COL4A5: variants seen among roughly 807,000 people sequenced by gnomAD.
COL4A5 encodes collagen type IV alpha 5 chain.
In COL4A5, 26 loss-of-function variants were observed where a neutral mutation model predicts 130.2. That is an observed-to-expected ratio of 0.20 (90% CI 0.15 to 0.28). The LOEUF is 0.28. Among genes scored for constraint, COL4A5 ranks in the 10% least tolerant of loss-of-function variants. COL4A5 has a pLI of 1.00. For synonymous variants in COL4A5, 496 were observed against 439.6 expected (o/e 1.13, Z -1.60); for missense variants, 1,131 against 1,344.3 (o/e 0.84, Z 2.48).
rs1049067696 is a variant in COL4A5, at chrX:108,667,237, C to A, written c.3604+54C>A. Reference sequence around the variant, plus strand: ...ATCTATAATAAAATGAGATTATTTCCAAATACATCTATTTTTCCATCTCCA... The same window carrying A: ...ATCTATAATAAAATGAGATTATTTCAAAATACATCTATTTTTCCATCTCCA... On this transcript the variant is annotated intron_variant, in intron 40 of 52. Transcript: ENST00000328300. The A allele has an allele frequency of 1.3e-5, 14 of 1,049,595 alleles. No individual in the cohort carries two copies. The African/African-American group carries it at 2.2e-4, about 17-fold the overall frequency. The allele number at this position is 1,049,595 out of a possible 1,213,427, so 86.5% of individuals were successfully genotyped here.
chrX:108,663,093 T>A (rs2067997831), intron 37 of COL4A5, among the ~76,000 whole-genome samples: 1 of 112,397 alleles, frequency 8.9e-6, no homozygotes, highest in Non-Finnish European at 1.9e-5. Context: ...TTTAAGTCAT[T>A]AACTTTGTGG....
intron 1 of COL4A5, among the ~76,000 whole-genome samples, chrX:108,460,398 C>A (rs906175121): frequency 9.0e-6 from 1 of 110,988 alleles, no homozygotes; most frequent in African/African-American, 3.3e-5. Flanking sequence ...ACTCCCTCCA[C>A]CCCCTAAAGA....
Position 108,677,557 on chromosome X carries a change from A to C in COL4A5, c.3866A>C (p.Glu1289Ala). Residue 1289 changes from glutamate to alanine, a missense_variant, in exon 44 of 53, where the codon GAG becomes GCG. Transcript: ENST00000328300. ...CCTGGAAATGGAGGTATTAAAGGAG[A>C]GAAGGGAAATCCAGGCCAACCTGGG... ...GLPGNGGIKGEKGNPGQPGLP... is the reference protein window; with the variant it reads ...GLPGNGGIKGAKGNPGQPGLP... 8.3e-7 allele frequency: 1 copy of C among 1,210,403 alleles called. No individual in the cohort carries two copies.
intron 42 of COL4A5, among the ~76,000 whole-genome samples, chrX:108,673,784 G>C (rs1445832634): frequency 9.2e-6 from 1 of 109,069 alleles, no homozygotes; most frequent in African/African-American, 3.3e-5. Context: ...GCTCACGCCT[G>C]TAATCCCAGC....
intron 1 of COL4A5, among the ~76,000 whole-genome samples, chrX:108,467,858 A>T (rs2147501888): frequency 9.0e-6 from 1 of 111,569 alleles, no homozygotes. Flanking sequence ...GTACCCTAGA[A>T]CTTTGCTGAA....
At chrX:108,580,817 A>C in intron 15 of COL4A5, 79 bp downstream of exon 15, 1 of 1,019,366 alleles carries the variant, frequency 9.8e-7, no homozygotes, top group Non-Finnish European at 1.4e-6. Flanking sequence ...TTCTTCCTAC[A>C]TCTTCCATTG....
chrX:108,665,463 A>G, intron 37 of COL4A5, 44 bp from the exon 38 acceptor site: 3 of 915,708 alleles, frequency 3.3e-6, no homozygotes, highest in South Asian at 2.0e-5. Flanking sequence ...CTCTTAAAGC[A>G]ATGCAGTTTT....
Position 108,655,453 on chromosome X carries a change from C to T in COL4A5, c.3369C>T (p.Phe1123=), listed in dbSNP as rs2067822461. The change falls in exon 37 of 53, where the codon TTC becomes TTT. Residue 1123 remains phenylalanine, a synonymous_variant. Coordinates refer to ENST00000328300, the MANE Select transcript of COL4A5 (RefSeq NM_033380.3). ...AAGGACAACCAGGCCTTCCTGGATT[C>T]CCAGGTAAAATTTCTTCTCTTAAAT... The part of the protein sequence containing the change: ...GAKGQPGLPG[F]PGTPGPPGPK... The T allele has an allele frequency of 8.3e-7, 1 of 1,211,001 alleles. No individual in the cohort carries two copies. Among genetic ancestry groups the T allele is most frequent in the South Asian group, 1.8e-5 (1 of 56,984 alleles).
intron 30 of COL4A5, among the ~76,000 whole-genome samples, chrX:108,616,726 C>T (rs977454766): frequency 3.6e-5 from 4 of 111,143 alleles, no homozygotes; most frequent in South Asian, 3.8e-4. Flanking sequence ...ACACGTGTCA[C>T]GCTTTTTCAG....
At position 108,571,850 on chromosome X, in the gene COL4A5, T is replaced by A. The variant is rs754027462; in HGVS notation, c.465+13T>A. 1.7e-6 allele frequency: 2 copies of A among 1,166,231 alleles called. No individual in the cohort carries two copies. The highest frequency in any genetic ancestry group is 2.3e-6 in the Non-Finnish European group (2 of 855,563). Reference sequence around the variant, plus strand: ...CCCAGGTATGAAGGTAAGCATCTCATTCTGGGGAACAAATGTTTTGAATAA... The same window carrying A: ...CCCAGGTATGAAGGTAAGCATCTCAATCTGGGGAACAAATGTTTTGAATAA... On this transcript the variant is annotated intron_variant, in intron 8 of 52. Transcript: ENST00000328300.
At chrX:108,626,967 A>G (rs939308151) in intron 36 of COL4A5, 53 of 744,007 alleles carry the variant, frequency 7.1e-5, no homozygotes, top group Non-Finnish European at 8.4e-5. Context: ...CCTAAAAAGT[A>G]TTAGAAAAGG....
intron 1 of COL4A5, among the ~76,000 whole-genome samples, chrX:108,453,238 A>G: frequency 8.9e-6 from 1 of 111,816 alleles, no homozygotes; most frequent in Middle Eastern, 4.6e-3. Context: ...ATTCTACATT[A>G]CAACTAACCT....
At chrX:108,487,045 A>T (rs886437598) in intron 1 of COL4A5, among the ~76,000 whole-genome samples, 12 of 112,232 alleles carry the variant, frequency 1.1e-4, no homozygotes, top group Non-Finnish European at 1.7e-4. Context: ...AAATCTCCAC[A>T]GTGTTTTCCA....
At chrX:108,579,572 T>A (rs998090756) in intron 13 of COL4A5, among the ~76,000 whole-genome samples, 35 of 112,006 alleles carry the variant, frequency 3.1e-4, no homozygotes, top group African/African-American at 1.1e-3. Context: ...CTATAAACCT[T>A]TGTTGTGTTT....
intron 1 of COL4A5, among the ~76,000 whole-genome samples, chrX:108,489,153 A>G (rs2064973942): frequency 1.8e-5 from 2 of 111,916 alleles, no homozygotes; most frequent in African/African-American, 6.5e-5. Context: ...CATTTGCAAT[A>G]TGTATTTGAA....
intron 36 of COL4A5, among the ~76,000 whole-genome samples, chrX:108,651,729 A>C (rs1245665709): frequency 9.0e-6 from 1 of 111,666 alleles, no homozygotes; most frequent in Non-Finnish European, 1.9e-5. Flanking sequence ...ATTATCTTTT[A>C]AGTTTAGTTC....
At chrX:108,594,884 G>A (rs2066489261) in intron 21 of COL4A5, among the ~76,000 whole-genome samples, 1 of 109,385 alleles carries the variant, frequency 9.1e-6, no homozygotes, top group Non-Finnish European at 1.9e-5. Context: ...TTTTAGACAG[G>A]GTCTTGCTCT....
At chrX:108,491,540 T>A (rs781316583) in intron 1 of COL4A5, among the ~76,000 whole-genome samples, 5 of 111,507 alleles carry the variant, frequency 4.5e-5, no homozygotes, top group Non-Finnish European at 7.5e-5. Flanking sequence ...AGAATCAACT[T>A]TACTGGCATT....
chrX:108,514,595 A>T (rs1365273768), intron 1 of COL4A5, among the ~76,000 whole-genome samples: 2 of 112,131 alleles, frequency 1.8e-5, no homozygotes, highest in Admixed American at 9.5e-5. Flanking sequence ...GAGGAAAGAG[A>T]TAAAAGAAAT....
Sources: allele counts gnomAD v4.1 joint callset (sites outside exome capture counted in the v4.1 genomes callset), GRCh38; gene constraint gnomAD v4.1.1; transcripts MANE v1.5; gene names NCBI Gene and HGNC (gene_info 2026-07-23, HGNC 2026-07-21).